Variants in RC3H1 observed in about 807,000 individuals in gnomAD.
RC3H1 encodes ring finger and CCCH-type domains 1, also known as roquin-1.
In RC3H1, 50 loss-of-function variants were observed where a neutral mutation model predicts 138.2. That is an observed-to-expected ratio of 0.36 (90% CI 0.29 to 0.46). RC3H1 has a LOEUF of 0.46. Ranked by LOEUF, RC3H1 falls within the 20% of genes least tolerant of loss-of-function variation. The pLI is 1.00. For synonymous variants in RC3H1, 462 were observed against 489.1 expected, an observed-to-expected ratio of 0.94 and a Z score of 0.73; for missense variants, 1,031 against 1,388.1, an observed-to-expected ratio of 0.74 and a Z score of 4.09.
chr1:173,943,659 C>A, intron 17 of RC3H1, 44 bp from the exon 18 acceptor site: 1 of 1,555,492 alleles, frequency 6.4e-7, no homozygotes, highest in Admixed American at 1.8e-5. Flanking sequence ...ACACACTTCA[C>A]ACCATGCACA....
intron 13 of RC3H1, among the ~76,000 whole-genome samples, chr1:173,957,160 G>C (rs1659684553): frequency 6.6e-6 from 1 of 152,068 alleles, no homozygotes; most frequent in Non-Finnish European, 1.5e-5. Flanking sequence ...AATGATTCTA[G>C]ATAATGTTCC....
At position 173,984,583 on chromosome 1, in the gene RC3H1, C is replaced by T. The variant is rs1336821904; in HGVS notation, c.268G>A (p.Val90Ile). 3 of 1,613,936 alleles carry T rather than the reference C, an allele frequency of 1.9e-6. No homozygotes were observed. Among genetic ancestry groups the T allele is most frequent in the Admixed American group, 3.3e-5 (2 of 59,990 alleles). ...TCCTCATAATGCTTTGTGTCTTCAACCCCACTACACAAAGTAATAGGCTGC... is the reference window on the plus strand; with the variant it reads ...TCCTCATAATGCTTTGTGTCTTCAATCCCACTACACAAAGTAATAGGCTGC... ...EQQPITLCSG[V>I]EDTKHYEEAK... Residue 90 changes from valine (V) to isoleucine (I), a missense_variant, in exon 3 of 20, where the codon GTT becomes ATT. By Grantham distance (29) the Val-to-Ile change is conservative (BLOSUM62 3). This residue lies in a region of RC3H1 where 80 missense variants were observed against 81.1 expected (regional missense o/e 0.99). Transcript: ENST00000367696.
At chr1:173,972,256 G>T (rs530248900) in intron 8 of RC3H1, among the ~76,000 whole-genome samples, 8 of 152,266 alleles carry the variant, frequency 5.3e-5, no homozygotes, top group African/African-American at 1.7e-4. Flanking sequence ...CATATCCAAT[G>T]TGAAGACTGA....
chr1:173,956,683 A>G lies in RC3H1; in HGVS notation c.2370+4394T>C, dbSNP rs79344003. ...TCAAAAAATTAAAAAAAAAAAAAAAAAAAGAAAGAAAGAAATATCACTCTG... is the reference window on the plus strand; with the variant it reads ...TCAAAAAATTAAAAAAAAAAAAAAAGAAAGAAAGAAAGAAATATCACTCTG... On this transcript the variant is annotated intron_variant, in intron 13 of 19. Coordinates refer to ENST00000367696, the MANE Select transcript of RC3H1 (RefSeq NM_172071.4). 1.5e-3 allele frequency among the ~76,000 whole-genome samples: 225 copies of G among 151,448 alleles called. 2 individuals carry two copies. Among genetic ancestry groups the G allele is most frequent in the Middle Eastern group, 6.8e-3 (2 of 294 alleles).
rs1282220773 is a variant in RC3H1, at chr1:173,934,880, TG to T, written c.*3840del. The T allele has an allele frequency of 6.6e-6, 1 of 152,104 alleles. No homozygotes were observed. Among genetic ancestry groups the T allele is most frequent in the Non-Finnish European group, 1.5e-5 (1 of 68,018 alleles). 9.4% of individuals were successfully genotyped at this position (152,104 alleles called of 1,614,324 possible). A position where few individuals can be genotyped will look rare whatever the true frequency, so the allele number is the denominator to read the frequency against. On this transcript the variant is annotated 3_prime_UTR_variant, in exon 20 of 20. Coordinates refer to ENST00000367696, the MANE Select transcript of RC3H1 (RefSeq NM_172071.4). ...TTTGAGCTCCATCCCTGAAGAACTC[TG>T]GAAAGTCTGATGGAGTTATATACTC...
chr1:173,945,001 C>A (rs979586179), intron 17 of RC3H1, among the ~76,000 whole-genome samples: 1 of 151,944 alleles, frequency 6.6e-6, no homozygotes, highest in African/African-American at 2.4e-5. Flanking sequence ...CCAGAAAGGA[C>A]AATATATTTA....
At chr1:173,981,393 T>C (rs758501246) in intron 5 of RC3H1, among the ~76,000 whole-genome samples, 1 of 152,212 alleles carries the variant, frequency 6.6e-6, no homozygotes, top group Non-Finnish European at 1.5e-5. Context: ...CATGTGAGCA[T>C]CATGTTGGTG....
At chr1:173,954,135 C>T (rs1659535366) in intron 13 of RC3H1, among the ~76,000 whole-genome samples, 2 of 152,158 alleles carry the variant, frequency 1.3e-5, no homozygotes, top group African/African-American at 4.8e-5. Flanking sequence ...GATATCTGCA[C>T]TCTCATGTTT....
chr1:173,943,770 C>T (rs1557918579), intron 17 of RC3H1, among the ~76,000 whole-genome samples, 155 bp from the exon 18 acceptor site: 1 of 152,106 alleles, frequency 6.6e-6, no homozygotes, highest in South Asian at 2.1e-4. Context: ...TCTTTGAGTA[C>T]CATTCAAACA....
At position 173,972,557 on chromosome 1, in the gene RC3H1, C is replaced by T. The variant is rs201898315; in HGVS notation, c.1173G>A (p.Leu391=). The change falls in exon 8 of 20, where the codon CTG becomes CTA. Residue 391 remains leucine (L), a synonymous_variant. Transcript: ENST00000367696. ...TGCTGTGGTTCTGGATATAATCAAC[C>T]AGCCCATGTACCACTGTACGCACAG... ...LVAVRTVVHG[L]VDYIQNHSKK... is the part of the protein sequence containing the mutation. The T allele has an allele frequency of 3.8e-4, 619 of 1,614,070 alleles. No homozygotes were observed. The highest frequency in any genetic ancestry group is 5.1e-4 in the Non-Finnish European group (596 of 1,179,980).
At chr1:173,971,862 A>G (rs943972626) in intron 8 of RC3H1, among the ~76,000 whole-genome samples, 1 of 152,188 alleles carries the variant, frequency 6.6e-6, no homozygotes, top group African/African-American at 2.4e-5. Flanking sequence ...CAGGTAAATT[A>G]AGAGTTTTAC....
rs574872887 is a variant in RC3H1 at position 173,943,983 on chromosome 1, A to C, written c.2962-368T>G. The stretch of plus-strand genomic sequence containing the variant: ...AGATCCACCTGGGCAATATATCAAG[A>C]CCTCGCCTCTACAAAAAATAAAAAA... On this transcript the variant is annotated intron_variant, in intron 17 of 19. Coordinates refer to ENST00000367696, the MANE Select transcript of RC3H1 (RefSeq NM_172071.4). Among the ~76,000 whole-genome samples the C allele has an allele frequency of 2.6e-5, 4 of 151,850 alleles. No individual in the cohort carries two copies. In the South Asian group the frequency reaches 8.4e-4, roughly 32 times the overall value.
At chr1:173,963,838 T>C (rs542331283) in intron 11 of RC3H1, 135 bp downstream of exon 11, 1 of 690,820 alleles carries the variant, frequency 1.4e-6, no homozygotes, top group African/African-American at 1.8e-5. Flanking sequence ...AATCTCAATT[T>C]TTCCAAAGTA....
At chr1:173,972,861 G>A (rs1322335022) in intron 7 of RC3H1, among the ~76,000 whole-genome samples, 1 of 152,182 alleles carries the variant, frequency 6.6e-6, no homozygotes, top group African/African-American at 2.4e-5. Context: ...CATGAAAGAG[G>A]TAAATAGGCC....
intron 9 of RC3H1, 59 bp downstream of exon 9, chr1:173,970,446 A>G: frequency 9.5e-7 from 1 of 1,049,506 alleles, no homozygotes; most frequent in Non-Finnish European, 1.5e-6. Flanking sequence ...GTATTTCTGT[A>G]TGTCAGCGAA....
intron 1 of RC3H1, among the ~76,000 whole-genome samples, chr1:174,016,849 T>C (rs1008050555): frequency 2.0e-5 from 3 of 151,846 alleles, no homozygotes; most frequent in African/African-American, 7.3e-5. Flanking sequence ...TACCCTTTAT[T>C]CTAGAAAGAA....
At chr1:174,009,306 A>G (rs1661709312) in intron 1 of RC3H1, 1 of 152,112 alleles carries the variant, frequency 6.6e-6, no homozygotes, top group Non-Finnish European at 1.5e-5. Flanking sequence ...CCTTCTCCCC[A>G]CTTCTGTATA....
intron 1 of RC3H1, among the ~76,000 whole-genome samples, chr1:173,997,468 T>C (rs938578093): frequency 2.6e-5 from 4 of 152,176 alleles, no homozygotes; most frequent in Admixed American, 2.0e-4. Flanking sequence ...TTATTAGTTC[T>C]TTTCAAAATT....
intron 10 of RC3H1, among the ~76,000 whole-genome samples, 200 bp downstream of exon 10, chr1:173,964,639 T>C (rs1229262519): frequency 1.3e-5 from 2 of 152,128 alleles, no homozygotes; most frequent in African/African-American, 2.4e-5. Context: ...AGTGCTGGGA[T>C]TATAGGCATG....
Sources: gnomAD v4.1 joint callset for allele counts (sites outside exome capture counted in the v4.1 genomes callset) on GRCh38, gnomAD v4.1.1 for gene constraint, gnomAD v4.1.1 regional missense constraint, MANE v1.5 for transcripts, NCBI Gene and HGNC (gene_info 2026-07-23, HGNC 2026-07-21) for gene names.